Variants in GPHN observed in about 807,000 individuals in gnomAD.
The protein encoded by GPHN is gephyrin.
Under a neutral mutation model 95.5 loss-of-function variants are expected in GPHN, and 17 were observed. The observed-to-expected ratio is 0.18, with a 90% CI of 0.12 to 0.27. The LOEUF is 0.27. GPHN is among the 10% of genes least tolerant of loss of function. GPHN has a pLI of 1.00. For synonymous variants in GPHN, 320 were observed against 322.5 expected (o/e 0.99, Z 0.08); for missense variants, 660 against 978.1 (o/e 0.67, Z 4.34).
intron 2 of GPHN, among the ~76,000 whole-genome samples, chr14:66,688,460 C>G (rs189610411): frequency 1.6e-4 from 25 of 152,294 alleles, no homozygotes; most frequent in Non-Finnish European, 1.8e-4. Flanking sequence ...ATGTAGCTGC[C>G]ATAAAATGGA....
chr14:67,622,436 A>T, the GPHN span, among the ~76,000 whole-genome samples: 50,103 of 151,990 alleles, frequency 0.33, 8,885 homozygotes, highest in African/African-American at 0.46. Flanking sequence ...ATATGGTGAC[A>T]TGGATTCAAT....
intron 4 of GPHN, among the ~76,000 whole-genome samples, chr14:66,841,187 G>C (rs1393697064): frequency 6.6e-6 from 1 of 152,044 alleles, no homozygotes; most frequent in Non-Finnish European, 1.5e-5. Context: ...TAGAACTGGA[G>C]ATGGTAAGCG....
At chr14:66,776,000 T>A (rs1386740737) in intron 2 of GPHN, among the ~76,000 whole-genome samples, 2 of 152,150 alleles carry the variant, frequency 1.3e-5, no homozygotes, top group Non-Finnish European at 2.9e-5. Flanking sequence ...AAGATGTTAA[T>A]AACAAGGGAA....
chr14:67,409,205 T>C, the GPHN span, among the ~76,000 whole-genome samples: 1 of 152,072 alleles, frequency 6.6e-6, no homozygotes, highest in African/African-American at 2.4e-5. Flanking sequence ...CTGATGCCAC[T>C]GTACTCCAGC....
At chr14:67,573,840 A>C in the GPHN span, 1 of 1,613,794 alleles carries the variant, frequency 6.2e-7, no homozygotes, top group Non-Finnish European at 8.5e-7. The surrounding 1 kb of genome is among the most constrained non-coding windows in gnomAD (Gnocchi z 4.8). Flanking sequence ...AGTGGATCTG[A>C]ACTCCCGCTG....
At chr14:66,521,626 A>C (rs1173389971) in intron 1 of GPHN, among the ~76,000 whole-genome samples, 1 of 152,148 alleles carries the variant, frequency 6.6e-6, no homozygotes, top group Non-Finnish European at 1.5e-5. Flanking sequence ...CTTTCTAGCT[A>C]TGTCCACATA....
the GPHN span, chr14:67,690,151 C>T: frequency 1.4e-6 from 2 of 1,471,912 alleles, no homozygotes; most frequent in East Asian, 4.5e-5. Context: ...GTTTCCATTC[C>T]TGTGGCTTTT....
At chr14:67,406,613 G>C in the GPHN span, among the ~76,000 whole-genome samples, 5,517 of 152,250 alleles carry the variant, frequency 0.036, 176 homozygotes, top group African/African-American at 0.088. Flanking sequence ...TAAGCAGAAA[G>C]ACAGCAAGCT....
the GPHN span, among the ~76,000 whole-genome samples, chr14:67,314,961 A>G: frequency 6.6e-6 from 1 of 152,234 alleles, no homozygotes; most frequent in African/African-American, 2.4e-5. Context: ...TTTAAAAATT[A>G]GCTGGGCATG....
chr14:66,862,852 G>A lies in GPHN; in HGVS notation c.295-17087G>A, dbSNP rs1302767446. Among the ~76,000 whole-genome samples the A allele has an allele frequency of 3.3e-5, 5 of 152,168 alleles. No individual in the cohort carries two copies. In the East Asian group the frequency reaches 7.7e-4, roughly 23 times the overall value. The stretch of plus-strand genomic sequence containing the variant: ...AACATAATAAGAGCTATATGCAGCA[G>A]ACCCACATCTGGTATCATAGTGAAA... On this transcript the variant is annotated intron_variant, in intron 4 of 22. Coordinates refer to ENST00000478722, the MANE Select transcript of GPHN (RefSeq NM_020806.5).
At chr14:67,199,667 C>A in the GPHN span, 2 of 1,581,040 alleles carry the variant, frequency 1.3e-6, no homozygotes, top group South Asian at 2.2e-5. Context: ...CCCGCTCTCC[C>A]AGCCTGACCG....
intron 5 of GPHN, among the ~76,000 whole-genome samples, chr14:66,895,457 T>C (rs949835671): frequency 2.6e-5 from 4 of 152,132 alleles, no homozygotes; most frequent in Non-Finnish European, 5.9e-5. Flanking sequence ...TGTATACATA[T>C]GTAACAAACC....
At chr14:67,578,345 A>T in the GPHN span, 1 of 797,124 alleles carries the variant, frequency 1.3e-6, no homozygotes, top group Admixed American at 2.1e-5. The surrounding 1 kb of genome is among the most constrained non-coding windows in gnomAD (Gnocchi z 5.0). Flanking sequence ...AGTACGGCTG[A>T]GCTGTCTATG....
chr14:66,704,995 C>G (rs868510857), intron 2 of GPHN, among the ~76,000 whole-genome samples: 1 of 152,220 alleles, frequency 6.6e-6, no homozygotes, highest in African/African-American at 2.4e-5. Context: ...CACCACTGAT[C>G]CAACAGAGAT....
rs572996260 is a variant in GPHN at position 66,657,518 on chromosome 14, C to T, written c.65-23589C>T. ...CATAGCTAGAGATAAGATATCAATGCCTGGCTTCAAAGCTTAGGCTGACTC... is the reference window on the plus strand; with the variant it reads ...CATAGCTAGAGATAAGATATCAATGTCTGGCTTCAAAGCTTAGGCTGACTC... On this transcript the variant is annotated intron_variant, in intron 1 of 22. Transcript: ENST00000478722. Among the ~76,000 whole-genome samples the T allele has an allele frequency of 2.4e-3, 366 of 152,238 alleles. 4 individuals are homozygous for T. The highest frequency in any genetic ancestry group is 8.3e-3 in the African/African-American group (345 of 41,552).
chr14:66,869,669 C>CT lies in GPHN; in HGVS notation c.295-10269dup, dbSNP rs113384200. 8.5e-5 allele frequency among the ~76,000 whole-genome samples: 13 copies of CT among 152,262 alleles called. 2 individuals are homozygous for CT. The highest frequency in any genetic ancestry group is 3.1e-4 in the African/African-American group (13 of 41,556). ...TGGATTTTTGTATTATTTCTGTTCT[C>CT]TAACTGATATGTGCAGAACTGCAAG... On this transcript the variant is annotated intron_variant, in intron 4 of 22. Transcript: ENST00000478722.
chr14:66,786,175 A>T (rs1306878189), intron 3 of GPHN, among the ~76,000 whole-genome samples: 1 of 152,034 alleles, frequency 6.6e-6, no homozygotes, highest in Non-Finnish European at 1.5e-5. Context: ...GAAAGGGCAC[A>T]ATCACCAATG....
the GPHN span, among the ~76,000 whole-genome samples, chr14:67,557,810 G>T: frequency 6.6e-6 from 1 of 152,232 alleles, no homozygotes; most frequent in Non-Finnish European, 1.5e-5. Flanking sequence ...TGTCAGGCAC[G>T]TGGTCAGTAC....
At chr14:66,935,876 C>T (rs1476012532) in intron 8 of GPHN, among the ~76,000 whole-genome samples, 2 of 151,898 alleles carry the variant, frequency 1.3e-5, no homozygotes, top group Non-Finnish European at 2.9e-5. Context: ...CAGCTCTTTA[C>T]GTAAATCCTC....
Sources: gnomAD v4.1 joint callset for allele counts (sites outside exome capture counted in the v4.1 genomes callset) on GRCh38, gnomAD v4.1.1 for gene constraint, Gnocchi (gnomAD v3.1) non-coding constraint, MANE v1.5 for transcripts, NCBI Gene and HGNC (gene_info 2026-07-23, HGNC 2026-07-21) for gene names.